The following CDH23 variants were observed in gnomAD, a reference collection of about 807,000 sequenced individuals.
CDH23 encodes the protein cadherin related 23, also known as cadherin-23.
A neutral mutation model predicts 317.1 loss-of-function variants in CDH23; 189 were observed. That is an observed-to-expected ratio of 0.60 (90% CI 0.53 to 0.67). CDH23 has a LOEUF of 0.67. Among genes scored for constraint, CDH23 ranks in the 30% least tolerant of loss-of-function variants. The pLI is 0.00. For synonymous variants in CDH23, 1,839 were observed against 1,876.8 expected, an observed-to-expected ratio of 0.98 and a Z score of 0.52; for missense variants, 4,401 against 4,592.4, an observed-to-expected ratio of 0.96 and a Z score of 1.20.
intron 11 of CDH23, among the ~76,000 whole-genome samples, chr10:71,642,157 T>A (rs574739572): frequency 6.6e-6 from 1 of 152,144 alleles, no homozygotes; most frequent in East Asian, 1.9e-4. Context: ...ACTCCCCTTC[T>A]TGGGGCAACC....
chr10:71,681,446 C>A (rs1864646095), intron 17 of CDH23, among the ~76,000 whole-genome samples: 1 of 152,188 alleles, frequency 6.6e-6, no homozygotes, highest in African/African-American at 2.4e-5. Flanking sequence ...TAGCTCCCTG[C>A]AAATCCTGCC....
intron 3 of CDH23, among the ~76,000 whole-genome samples, chr10:71,489,002 G>T (rs1589130215): frequency 6.6e-6 from 1 of 152,018 alleles, no homozygotes; most frequent in Non-Finnish European, 1.5e-5. Context: ...TTCTTCTTTG[G>T]TTGCCTTTAA....
At chr10:71,715,830 A>G in intron 28 of CDH23, 1 of 1,163,766 alleles carries the variant, frequency 8.6e-7, no homozygotes, top group Non-Finnish European at 1.2e-6. Flanking sequence ...TGTGTCCCAG[A>G]CTGCTTGGGC....
At chr10:71,620,988 C>T (rs941163416) in intron 11 of CDH23, among the ~76,000 whole-genome samples, 2 of 152,186 alleles carry the variant, frequency 1.3e-5, no homozygotes, top group Admixed American at 1.3e-4. Flanking sequence ...ATAGGGGAGG[C>T]CCCATCATGA....
At chr10:71,588,371 A>C (rs1859229023) in intron 9 of CDH23, among the ~76,000 whole-genome samples, 1 of 152,162 alleles carries the variant, frequency 6.6e-6, no homozygotes, top group African/African-American at 2.4e-5. Context: ...AGCCGGTTAC[A>C]TCCACCTGTG....
chr10:71,736,277 C>T (rs190941745), intron 34 of CDH23, among the ~76,000 whole-genome samples: 9 of 152,368 alleles, frequency 5.9e-5, no homozygotes, highest in African/African-American at 1.9e-4. Flanking sequence ...GATCCACCAG[C>T]CCCGGTAGCC....
intron 9 of CDH23, among the ~76,000 whole-genome samples, chr10:71,587,017 T>C (rs1859117259): frequency 6.6e-6 from 1 of 152,252 alleles, no homozygotes. Context: ...TGTATCTCTC[T>C]CTGGATGTGT....
At chr10:71,482,568 C>G (rs954024202) in intron 3 of CDH23, among the ~76,000 whole-genome samples, 2 of 152,206 alleles carry the variant, frequency 1.3e-5, no homozygotes, top group African/African-American at 4.8e-5. Flanking sequence ...TCCTCCACCC[C>G]ATTGGTGGGG....
intron 26 of CDH23, among the ~76,000 whole-genome samples, 152 bp from the exon 27 acceptor site, chr10:71,708,946 G>C (rs935707067): frequency 6.6e-6 from 1 of 152,220 alleles, no homozygotes; most frequent in African/African-American, 2.4e-5. Flanking sequence ...AGCTGCACCC[G>C]CATCAGAGCA....
chr10:71,581,376 G>T (rs1202327711), intron 9 of CDH23, among the ~76,000 whole-genome samples: 5 of 152,188 alleles, frequency 3.3e-5, no homozygotes, highest in Non-Finnish European at 5.9e-5. Flanking sequence ...GGCTGGTGGT[G>T]GCTCTGTCTG....
Position 71,812,780 on chromosome 10 carries a change from C to A in CDH23, c.9523C>A (p.Arg3175Ser). ...CCCCTCTCCCCAGGGAACTTTTGGG[C>A]GTGAGCCAGCAGCTGTCAAGCCTGA... ...SPTRTHGTFGREPAAVKPDDD... is the reference protein window; with the variant it reads ...SPTRTHGTFGSEPAAVKPDDD... The change falls in exon 68 of 70, where the codon CGT becomes AGT. Residue 3175 changes from arginine (R) to serine (S), a missense_variant. Physicochemically the swap from Arg to Ser is moderately radical, Grantham distance 110. Around this residue, in one of 3 missense-constraint regions of CDH23, gnomAD observed 1,144 missense variants for 1,138.2 expected, o/e 1.01. Transcript: ENST00000224721. 1 of 1,613,076 alleles carries A rather than the reference C, an allele frequency of 6.2e-7. No individual in the cohort carries two copies. The highest frequency in any genetic ancestry group is 8.5e-7 in the Non-Finnish European group (1 of 1,179,494).
Position 71,751,785 on chromosome 10 carries a change from G to A in CDH23, c.4845+9864G>A. On this transcript the variant is annotated intron_variant, in intron 38 of 69. Transcript: ENST00000224721. This position sits in a 1 kb window ranked among gnomAD's most constrained non-coding sequence, Gnocchi z 4.9. ...CGCTGGGCCACATAGGACAGGGGGT[G>A]CCTGACTTTGGCCTCGGGTATCCCC... 1 of 1,600,162 alleles carries A rather than the reference G, an allele frequency of 6.2e-7. No homozygotes were observed. Among genetic ancestry groups the A allele is most frequent in the Non-Finnish European group, 8.5e-7 (1 of 1,173,094 alleles).
chr10:71,607,049 G>A (rs182298909), intron 9 of CDH23, among the ~76,000 whole-genome samples: 1 of 152,314 alleles, frequency 6.6e-6, no homozygotes, highest in African/African-American at 2.4e-5. Flanking sequence ...GGCCCCTTTT[G>A]TCATCAGGCA....
intron 34 of CDH23, chr10:71,737,606 C>A: frequency 2.2e-6 from 1 of 449,908 alleles, no homozygotes; most frequent in Non-Finnish European, 4.5e-6. Context: ...ACCCCACATG[C>A]AGGGAAGCAG....
At chr10:71,567,232 G>A (rs1857460608) in intron 7 of CDH23, among the ~76,000 whole-genome samples, 1 of 152,212 alleles carries the variant, frequency 6.6e-6, no homozygotes, top group South Asian at 2.1e-4. Context: ...GAGCAATTCA[G>A]TGACTTTCCA....
chr10:71,682,405 T>C, intron 17 of CDH23, 40 bp from the exon 18 acceptor site: 1 of 1,605,312 alleles, frequency 6.2e-7, no homozygotes, highest in Non-Finnish European at 8.5e-7. Context: ...GCATCTCAAG[T>C]CTGCTTACAG....
chr10:71,489,373 T>A (rs1054135822), intron 3 of CDH23, among the ~76,000 whole-genome samples: 2 of 152,350 alleles, frequency 1.3e-5, no homozygotes. Flanking sequence ...AGCTAATGTG[T>A]TTGAAATTCA....
intron 34 of CDH23, among the ~76,000 whole-genome samples, chr10:71,737,513 T>C (rs978850432): frequency 6.6e-6 from 1 of 152,152 alleles, no homozygotes; most frequent in African/African-American, 2.4e-5. Context: ...AAGAATGACA[T>C]GGAATTTCCT....
chr10:71,691,337 C>T (rs1305595619), intron 20 of CDH23, among the ~76,000 whole-genome samples: 2 of 152,164 alleles, frequency 1.3e-5, no homozygotes, highest in African/African-American at 4.8e-5. Flanking sequence ...TATGTTCATT[C>T]AGAAATTGGG....
Sources: allele counts gnomAD v4.1 joint callset (sites outside exome capture counted in the v4.1 genomes callset), GRCh38; gene constraint gnomAD v4.1.1; regional missense constraint gnomAD v4.1.1; non-coding constraint Gnocchi (gnomAD v3.1); transcripts MANE v1.5; gene names NCBI Gene and HGNC (gene_info 2026-07-23, HGNC 2026-07-21).